PHF11: variants seen among roughly 807,000 people sequenced by gnomAD.
PHF11 encodes the protein PHD finger protein 11.
PHF11 carries 38 observed loss-of-function variants against 40.5 expected under a neutral mutation model. The ratio of observed to expected loss-of-function variants is 0.94; its 90% CI spans 0.72 to 1.23. PHF11 has a LOEUF of 1.23. PHF11 is among the 50% of genes most tolerant of loss of function. The pLI is 0.00. For synonymous variants in PHF11, 127 were observed against 138.2 expected, an observed-to-expected ratio of 0.92 and a Z score of 0.57; for missense variants, 369 against 392.4, an observed-to-expected ratio of 0.94 and a Z score of 0.50.
In PHF11 at chr13:49,496,094, C is replaced by T. The variant is rs1368068534; in HGVS notation, c.93C>T (p.Thr31=). 1.3e-5 allele frequency: 12 copies of T among 957,776 alleles called. No homozygotes were observed. In the Admixed American group the frequency reaches 3.5e-4, roughly 28 times the overall value. The allele number at this position is 957,776 out of a possible 1,614,324, so 59.3% of individuals were successfully genotyped here. The part of the protein sequence containing the change: ...RPAQEALLLP[T]GVFQVAEKME... ...CGCAGGAGGCGCTCCTCCTTCCCACCGGTGTGTACCGCGGGGGCGGGCGGG... is the reference window on the plus strand; with the variant it reads ...CGCAGGAGGCGCTCCTCCTTCCCACTGGTGTGTACCGCGGGGGCGGGCGGG... The change falls in exon 1 of 10, where the codon ACC becomes ACT. Residue 31 remains threonine (T), a splice_region_variant and synonymous_variant. Coordinates refer to ENST00000378319, the MANE Select transcript of PHF11 (RefSeq NM_001040443.3).
chr13:49,522,755 TGG>T (rs35269738), intron 6 of PHF11, among the ~76,000 whole-genome samples: 4 of 138,958 alleles, frequency 2.9e-5, no homozygotes, highest in East Asian at 2.2e-4. Context: ...AATATGAATA[TGG>T]GGTTTTTTTG....
chr13:49,523,177 A>C lies in PHF11; in HGVS notation c.573A>C (p.Pro191=). 1 of 1,604,280 alleles carries C rather than the reference A, an allele frequency of 6.2e-7. No individual in the cohort carries two copies. The highest frequency in any genetic ancestry group is 8.5e-7 in the Non-Finnish European group (1 of 1,171,076). ...GCAATCTTGATTTTCTCTCCTAGCCACCCGAAACAATGAAATGTAATACAT... is the reference window on the plus strand; with the variant it reads ...GCAATCTTGATTTTCTCTCCTAGCCCCCCGAAACAATGAAATGTAATACAT... ...KKPLSGNHVQ[P]PETMKCNTFI... is the part of the protein sequence containing the mutation. Residue 191 remains proline, a splice_region_variant and synonymous_variant, in exon 7 of 10, where the codon CCA becomes CCC. Transcript: ENST00000378319.
At chr13:49,507,565 A>G (rs1210047412) in intron 2 of PHF11, among the ~76,000 whole-genome samples, 1 of 152,220 alleles carries the variant, frequency 6.6e-6, no homozygotes, top group African/African-American at 2.4e-5. Flanking sequence ...GTACTTGACT[A>G]AATACACCAA....
At position 49,523,369 on chromosome 13, in the gene PHF11, T is replaced by A. The variant is rs1316435519; in HGVS notation, c.637+128T>A. 3.7e-5 allele frequency: 24 copies of A among 657,392 alleles called. No individual in the cohort carries two copies. In the East Asian group the frequency reaches 6.3e-4, roughly 17 times the overall value. The allele number at this position is 657,392 out of a possible 1,614,324, so 40.7% of individuals were successfully genotyped here. On this transcript the variant is annotated intron_variant, in intron 7 of 9. Coordinates refer to ENST00000378319, the MANE Select transcript of PHF11 (RefSeq NM_001040443.3). ...CTAGGCTTGTGGTAATTAATGAGTA[T>A]AAATCTTTATCGCAACTGTCCACTC...
intron 1 of PHF11, chr13:49,497,246 T>C: frequency 1.6e-6 from 2 of 1,250,828 alleles, no homozygotes; most frequent in Non-Finnish European, 2.1e-6. Flanking sequence ...GCTTCCATCC[T>C]GACCTCTTCC....
chr13:49,511,050 A>G (rs766134157), intron 2 of PHF11, among the ~76,000 whole-genome samples: 1 of 152,188 alleles, frequency 6.6e-6, no homozygotes, highest in Non-Finnish European at 1.5e-5. Flanking sequence ...TTCATATGAA[A>G]GGAATCCTAT....
At chr13:49,512,622 A>G (rs1470447896) in intron 2 of PHF11, among the ~76,000 whole-genome samples, 1 of 152,210 alleles carries the variant, frequency 6.6e-6, no homozygotes, top group East Asian at 1.9e-4. Context: ...ATGTTTCCTA[A>G]AGGCAGGCAT....
chr13:49,512,805 A>G lies in PHF11; in HGVS notation c.217-254A>G, dbSNP rs1391264879. On this transcript the variant is annotated intron_variant, in intron 2 of 9. Transcript: ENST00000378319. The stretch of plus-strand genomic sequence containing the variant: ...GGGGATCAGACTGACCCAGCTTGGC[A>G]TCAGGGTTCCACCCAGGTCAATGAG... Among the ~76,000 whole-genome samples the G allele has an allele frequency of 2.0e-5, 3 of 152,182 alleles. No individual in the cohort carries two copies. In the East Asian group the frequency reaches 5.8e-4, roughly 29 times the overall value.
intron 6 of PHF11, 85 bp downstream of exon 6, chr13:49,522,192 T>C (rs1270593181): frequency 1.4e-6 from 1 of 703,160 alleles, no homozygotes; most frequent in Non-Finnish European, 2.5e-6. Context: ...TGAAAGGTAC[T>C]TTCCAAATCG....
intron 2 of PHF11, among the ~76,000 whole-genome samples, chr13:49,509,083 T>A (rs1348084422): frequency 6.6e-6 from 1 of 152,226 alleles, no homozygotes; most frequent in Non-Finnish European, 1.5e-5. Flanking sequence ...CACTTTTTTA[T>A]ATACATAATT....
chr13:49,513,191 T>C (rs1440939723), intron 3 of PHF11, 25 bp downstream of exon 3: 1 of 1,103,344 alleles, frequency 9.1e-7, no homozygotes, highest in Admixed American at 1.7e-5. Flanking sequence ...TGTTATTTCT[T>C]ATACTGGATG....
intron 3 of PHF11, among the ~76,000 whole-genome samples, chr13:49,514,526 T>C (rs998956126): frequency 2.0e-5 from 3 of 152,018 alleles, no homozygotes; most frequent in African/African-American, 7.2e-5. Flanking sequence ...GCCAAGGCAG[T>C]TGAGGACTGC....
At position 49,522,037 on chromosome 13, in the gene PHF11, T is replaced by G. The variant is rs775604849; in HGVS notation, c.506-6T>G. On this transcript the variant is annotated splice_region_variant and splice_polypyrimidine_tract_variant and intron_variant, in intron 5 of 9. Coordinates refer to ENST00000378319, the MANE Select transcript of PHF11 (RefSeq NM_001040443.3). ...ATTCCAATTTTTAAATGGTTTATATTTTTAGCTAAATTTTCAGGAGTGAAA... is the reference window on the plus strand; with the variant it reads ...ATTCCAATTTTTAAATGGTTTATATGTTTAGCTAAATTTTCAGGAGTGAAA... 2.9e-6 allele frequency: 4 copies of G among 1,395,486 alleles called. No individual in the cohort carries two copies. The Admixed American group carries it at 6.8e-5, about 24-fold the overall frequency. 86.4% of individuals were successfully genotyped at this position (1,395,486 alleles called of 1,614,324 possible). A position where few individuals can be genotyped will look rare whatever the true frequency, so the allele number is the denominator to read the frequency against.
intron 3 of PHF11, among the ~76,000 whole-genome samples, chr13:49,517,316 G>A (rs1277854410): frequency 2.0e-5 from 3 of 152,172 alleles, no homozygotes; most frequent in Non-Finnish European, 4.4e-5. Context: ...GTATCATGCT[G>A]ATCAGCCTTG....
rs538571044 is a variant in PHF11 at position 49,513,421 on chromosome 13, C to T, written c.324+255C>T. Among the ~76,000 whole-genome samples, 2 of 151,408 alleles carry T rather than the reference C, an allele frequency of 1.3e-5. 1 individual carries two copies. The highest frequency in any genetic ancestry group is 4.9e-5 in the African/African-American group (2 of 41,108). On this transcript the variant is annotated intron_variant, in intron 3 of 9. Transcript: ENST00000378319. ...TCTCAGCTCACTGCAACCTCCGCCT[C>T]CTGGGTTCAAGCGATTCTCCTGCCT...
intron 1 of PHF11, among the ~76,000 whole-genome samples, chr13:49,502,341 T>G (rs1159942905): frequency 4.6e-5 from 7 of 152,100 alleles, no homozygotes; most frequent in African/African-American, 1.2e-4. Flanking sequence ...ATTAAAATTC[T>G]AGAAGAAAAC....
At chr13:49,528,370 C>T in intron 9 of PHF11, 141 bp from the exon 10 acceptor site, 1 of 589,234 alleles carries the variant, frequency 1.7e-6, no homozygotes, top group Non-Finnish European at 2.9e-6. Context: ...CCAGCTCCTG[C>T]CCATAAGGCT....
At chr13:49,504,892 A>T (rs1280489052) in intron 1 of PHF11, among the ~76,000 whole-genome samples, 5 of 149,356 alleles carry the variant, frequency 3.3e-5, no homozygotes, top group African/African-American at 7.3e-5. Context: ...CTGCCTTGGG[A>T]TCCTGTTGAT....
chr13:49,523,312 A>C, intron 7 of PHF11, 71 bp downstream of exon 7: 1 of 993,414 alleles, frequency 1.0e-6, no homozygotes, highest in South Asian at 1.3e-5. Context: ...CACCTGTTTC[A>C]AACTTGGTAT....
Sources: gnomAD v4.1 joint callset for allele counts (sites outside exome capture counted in the v4.1 genomes callset) on GRCh38, gnomAD v4.1.1 for gene constraint, MANE v1.5 for transcripts, NCBI Gene and HGNC (gene_info 2026-07-23, HGNC 2026-07-21) for gene names.